The following NBPF26 variants were observed in gnomAD, a reference collection of about 807,000 sequenced individuals.
The protein encoded by NBPF26 is NBPF family member NBPF26.
In NBPF26, 79 loss-of-function variants were observed where a neutral mutation model predicts 119.6. The ratio of observed to expected loss-of-function variants is 0.66; its 90% confidence interval spans 0.55 to 0.80. The LOEUF is 0.80. NBPF26 is among the 30% of genes least tolerant of loss of function. NBPF26 has a pLI of 0.00. For missense variants in NBPF26, 800 were observed against 1,198.2 expected (o/e 0.67, Z 4.91); for synonymous variants, 299 against 457.7 (o/e 0.65, Z 4.43).
intron 3 of NBPF26, among the ~76,000 whole-genome samples, chr1:120,789,995 C>T (rs1479401846): frequency 1.3e-5 from 1 of 78,926 alleles, no homozygotes; most frequent in East Asian, 2.5e-4. Flanking sequence ...GTGTGTTCTG[C>T]AAGATTCTGA....
chr1:120,816,956 G>T lies in NBPF26; in HGVS notation c.2371+129G>T. On this transcript the variant is annotated intron_variant, in intron 14 of 29. Coordinates refer to ENST00000620612, the Ensembl canonical transcript of NBPF26. ...GATGGGTTTCTAAACAGATATCAGGGAGTTTTTTGTCCTTCTCAGCTAATG... is the reference window on the plus strand; with the variant it reads ...GATGGGTTTCTAAACAGATATCAGGTAGTTTTTTGTCCTTCTCAGCTAATG... The T allele has an allele frequency of 9.5e-6, 11 of 1,155,556 alleles. 2 individuals carry two copies. The highest frequency in any genetic ancestry group is 1.3e-5 in the Non-Finnish European group (11 of 839,156). 71.6% of individuals were successfully genotyped at this position (1,155,556 alleles called of 1,614,324 possible).
At position 120,793,571 on chromosome 1, in the gene NBPF26, C is replaced by A. The variant is rs1189931535; in HGVS notation, c.751+75C>A. 14 of 1,097,764 alleles carry A rather than the reference C, an allele frequency of 1.3e-5. 4 individuals carry two copies. The highest frequency in any genetic ancestry group is 9.0e-5 in the Admixed American group (4 of 44,474). 68.0% of individuals were successfully genotyped at this position (1,097,764 alleles called of 1,614,324 possible). A position where few individuals can be genotyped will look rare whatever the true frequency, so the allele number is the denominator to read the frequency against. Reference sequence around the variant, plus strand: ...GGAGGTAGTGGGTGTGGCTCAATTGCATTTTTTAGGAAGCGCAAGGAAAAA... The same window carrying A: ...GGAGGTAGTGGGTGTGGCTCAATTGAATTTTTTAGGAAGCGCAAGGAAAAA... On this transcript the variant is annotated intron_variant, in intron 4 of 29. Coordinates refer to ENST00000620612, the Ensembl canonical transcript of NBPF26.
chr1:120,809,648 G>C (rs1651807435), intron 7 of NBPF26, among the ~76,000 whole-genome samples, 163 bp from the exon 8 acceptor site: 3 of 150,186 alleles, frequency 2.0e-5, no homozygotes, highest in Admixed American at 2.0e-4. Context: ...TTGCCCGATG[G>C]AGCAGGAAAC....
rs1238767048 is a variant in NBPF26, at chr1:120,784,071, G to A, written c.156-903G>A. 1.7e-5 allele frequency among the ~76,000 whole-genome samples: 2 copies of A among 116,842 alleles called. 1 individual carries two copies. The highest frequency in any genetic ancestry group is 1.6e-4 in the Admixed American group (2 of 12,244). 76.7% of individuals were successfully genotyped at this position (116,842 alleles called of 152,430 possible). A position where few individuals can be genotyped will look rare whatever the true frequency, so the allele number is the denominator to read the frequency against. On this transcript the variant is annotated intron_variant, in intron 2 of 29. Transcript: ENST00000620612. ...TGAAATTAGGCTACAGTCATAGAAG[G>A]TTAGCTGTGAAACAATAATTTGGAA...
rs1651596880 is a variant in NBPF26 at position 120,802,745 on chromosome 1, C to T, written c.752-2811C>T. On this transcript the variant is annotated intron_variant, in intron 4 of 29. Coordinates refer to ENST00000620612, the Ensembl canonical transcript of NBPF26. ...TATTCTAGCCACCTAACTAGAAACT[C>T]GAAATTTAACAGGTTCTTTCAGTTT... is the stretch of plus-strand genomic sequence containing the variant. 9.3e-5 allele frequency among the ~76,000 whole-genome samples: 11 copies of T among 118,880 alleles called. 2 individuals are homozygous for T. The South Asian group carries it at 2.7e-3, about 29-fold the overall frequency. The allele number at this position is 118,880 out of a possible 152,430, so 78.0% of individuals were successfully genotyped here.
chr1:120,790,694 G>C (rs1388148839), intron 3 of NBPF26, among the ~76,000 whole-genome samples: 1 of 109,436 alleles, frequency 9.1e-6, no homozygotes, highest in African/African-American at 5.8e-5. Flanking sequence ...CCACCTCTTG[G>C]GTTCGAGTGA....
chr1:120,823,280 T>G, intron 16 of NBPF26, 29 bp from the exon 17 acceptor site: 1 of 1,196,056 alleles, frequency 8.4e-7, no homozygotes, highest in East Asian at 2.3e-5. Flanking sequence ...CTGCTTAATG[T>G]AAGAGGGCCC....
chr1:120,724,008 T>A, exon 1 of NBPF26: 2 of 1,168,366 alleles, frequency 1.7e-6, no homozygotes, highest in South Asian at 4.4e-5. Context: ...GCGCGGGGAG[T>A]CGAGGCATTT....
rs2101343756 is a variant in NBPF26 at position 120,728,947 on chromosome 1, G to A, written c.73+4697G>A. Among the ~76,000 whole-genome samples, 2 of 112,804 alleles carry A rather than the reference G, an allele frequency of 1.8e-5. 1 individual carries two copies. The highest frequency in any genetic ancestry group is 1.7e-4 in the Admixed American group (2 of 11,842). 74.0% of individuals were successfully genotyped at this position (112,804 alleles called of 152,430 possible). On this transcript the variant is annotated intron_variant, in intron 1 of 29. Coordinates refer to ENST00000620612, the Ensembl canonical transcript of NBPF26. ...CTGCCACATGATTTTGATCCTTGAG[G>A]GCCAGGTCTGTGCTACACACATTTC...
chr1:120,793,380 G>T lies in NBPF26; in HGVS notation c.635G>T (p.Gly212Val). The T allele has an allele frequency of 4.2e-6, 6 of 1,434,610 alleles. 2 individuals are homozygous for T. In the South Asian group the frequency reaches 7.2e-5, roughly 17 times the overall value. The allele number at this position is 1,434,610 out of a possible 1,614,324, so 88.9% of individuals were successfully genotyped here. Reference sequence around the variant, plus strand: ...TCCTACCAGTGCCAGTGCCTTCAGGGCTTCACAGGCCAGTACTGTGACAGA... The same window carrying T: ...TCCTACCAGTGCCAGTGCCTTCAGGTCTTCACAGGCCAGTACTGTGACAGA... The change falls in exon 4 of 30, where the codon GGC becomes GTC. Residue 212 changes from glycine to valine, a missense_variant. Coordinates refer to ENST00000620612, the Ensembl canonical transcript of NBPF26.
At chr1:120,809,724 G>T in intron 7 of NBPF26, 87 bp from the exon 8 acceptor site, 1 of 1,407,710 alleles carries the variant, frequency 7.1e-7, no homozygotes, top group South Asian at 1.2e-5. Flanking sequence ...ACCATACATA[G>T]ATGTTCATGT....
rs1418350998 is a variant in NBPF26 at position 120,765,811 on chromosome 1, T to C, written c.155+2102T>C. On this transcript the variant is annotated intron_variant, in intron 2 of 29. Coordinates refer to ENST00000620612, the Ensembl canonical transcript of NBPF26. ...AATACTATGCAGCCATAAAAAAGAATGAGTTCATGTCCTTTGCAGGGACAT... is the reference window on the plus strand; with the variant it reads ...AATACTATGCAGCCATAAAAAAGAACGAGTTCATGTCCTTTGCAGGGACAT... 3.1e-5 allele frequency among the ~76,000 whole-genome samples: 4 copies of C among 127,810 alleles called. 1 individual carries two copies. Among genetic ancestry groups the C allele is most frequent in the African/African-American group, 1.4e-4 (4 of 29,226 alleles). 83.8% of individuals were successfully genotyped at this position (127,810 alleles called of 152,430 possible).
At chr1:120,767,813 G>A (rs1416060508) in intron 2 of NBPF26, among the ~76,000 whole-genome samples, 1 of 110,946 alleles carries the variant, frequency 9.0e-6, no homozygotes, top group Non-Finnish European at 1.7e-5. Context: ...AAGTTCACTA[G>A]GATTCTGGGG....
Position 120,785,061 on chromosome 1 carries a change from C to T in NBPF26, c.243C>T (p.Ala81=). The change falls in exon 3 of 30, where the codon GCC becomes GCT. Residue 81 remains alanine, a synonymous_variant. Coordinates refer to ENST00000620612, the Ensembl canonical transcript of NBPF26. ...GCCAGAATGGTGGGACTTGTGTGGC[C>T]CAGGCCATGCTGGGGAAAGCCACGT... 2.1e-6 allele frequency: 3 copies of T among 1,445,724 alleles called. 1 individual carries two copies. Among genetic ancestry groups the T allele is most frequent in the Non-Finnish European group, 2.8e-6 (3 of 1,082,036 alleles). The allele number at this position is 1,445,724 out of a possible 1,614,324, so 89.6% of individuals were successfully genotyped here.
In NBPF26 at chr1:120,792,547, G is replaced by T. The variant is rs1450977503; in HGVS notation, c.416-614G>T. Among the ~76,000 whole-genome samples, 2 of 111,774 alleles carry T rather than the reference G, an allele frequency of 1.8e-5. 1 individual carries two copies. Among genetic ancestry groups the T allele is most frequent in the Non-Finnish European group, 3.4e-5 (2 of 58,044 alleles). 73.3% of individuals were successfully genotyped at this position (111,774 alleles called of 152,430 possible). ...AATAGAGTCTTGCTGTGTCGCCCAGGCTGGAGTGCAGTGGTACAATCTCGG... is the reference window on the plus strand; with the variant it reads ...AATAGAGTCTTGCTGTGTCGCCCAGTCTGGAGTGCAGTGGTACAATCTCGG... On this transcript the variant is annotated intron_variant, in intron 3 of 29. Transcript: ENST00000620612.
At chr1:120,840,405 G>T in exon 30 of NBPF26, 1 of 1,464,824 alleles carries the variant, frequency 6.8e-7, no homozygotes, top group Non-Finnish European at 9.2e-7. Flanking sequence ...GGACTCACTG[G>T]ATATATGTTA....
chr1:120,745,144 A>AC (rs1650966798), intron 1 of NBPF26, among the ~76,000 whole-genome samples: 1 of 101,058 alleles, frequency 9.9e-6, no homozygotes, highest in East Asian at 2.3e-4. Flanking sequence ...CAAAAAAAAA[A>AC]CAAAAAAAAG....
chr1:120,724,368 T>G (rs1450614028), intron 1 of NBPF26, 118 bp downstream of exon 1: 2 of 1,344,748 alleles, frequency 1.5e-6, no homozygotes, highest in East Asian at 2.6e-5. Flanking sequence ...CGGCGCGGAG[T>G]GAGGCCACTC....
At chr1:120,832,652 A>G (rs1652367599) in intron 22 of NBPF26, among the ~76,000 whole-genome samples, 1 of 121,308 alleles carries the variant, frequency 8.2e-6, no homozygotes, top group African/African-American at 4.6e-5. Flanking sequence ...TGATATTGGG[A>G]TAACGATCTA....
Sources: gnomAD v4.1 joint callset for allele counts (sites outside exome capture counted in the v4.1 genomes callset) on GRCh38, gnomAD v4.1.1 for gene constraint, MANE v1.5 for transcripts, NCBI Gene and HGNC (gene_info 2026-07-23, HGNC 2026-07-21) for gene names.